CD207: variants seen among roughly 807,000 people sequenced by gnomAD.
The protein encoded by CD207 is CD207 molecule, also known as C-type lectin domain family 4 member K.
Under a neutral mutation model 31.6 loss-of-function variants are expected in CD207, and 28 were observed. The observed-to-expected ratio is 0.89, with a 90% confidence interval of 0.66 to 1.21. CD207 has a LOEUF of 1.21. Among genes scored for constraint, CD207 ranks in the 50% most tolerant of loss-of-function variants. The probability of loss-of-function intolerance (pLI) is 0.00; values close to 1 mark genes in which losing one functional copy is unlikely to be tolerated. For missense variants in CD207, 388 were observed against 397.8 expected (o/e 0.98, Z 0.21); for synonymous variants, 168 against 153.9 (o/e 1.09, Z -0.68).
At chr2:70,828,826 C>A (rs553200315), downstream of CD207, among the ~76,000 whole-genome samples, 1 of 152,068 alleles carries the variant, frequency 6.6e-6, no homozygotes, top group Non-Finnish European at 1.5e-5. Context: ...CCACCATGCC[C>A]GGCTAATTTT....
At chr2:70,828,138 G>A (rs1677388501), downstream of CD207, among the ~76,000 whole-genome samples, 1 of 152,300 alleles carries the variant, frequency 6.6e-6, no homozygotes, top group Non-Finnish European at 1.5e-5. Flanking sequence ...AAGAAATACT[G>A]TGGGGTCCAT....
chr2:70,826,821 T>A (rs577401898), downstream of CD207, among the ~76,000 whole-genome samples: 8 of 152,320 alleles, frequency 5.3e-5, 1 homozygote, highest in South Asian at 1.7e-3. Context: ...GTGACATAAT[T>A]CTATTGCATG....
In CD207 at chr2:70,830,751, C is replaced by T. The variant is rs1416435211; in HGVS notation, c.*299G>A. 3.8e-6 allele frequency: 1 copy of T among 264,434 alleles called. No homozygotes were observed. The highest frequency in any genetic ancestry group is 7.4e-5 in the East Asian group (1 of 13,584). 16.4% of individuals were successfully genotyped at this position (264,434 alleles called of 1,614,324 possible). On this transcript the variant is annotated 3_prime_UTR_variant, in exon 6 of 6. Coordinates refer to ENST00000410009, the MANE Select transcript of CD207 (RefSeq NM_015717.5). ...GGTTTCTCTGAAAGAGTGGAAAACC[C>T]CAGGGTGTTATGCCGGATTACGGGT...
At chr2:70,828,893 G>C (rs1260605575), downstream of CD207, among the ~76,000 whole-genome samples, 1 of 152,144 alleles carries the variant, frequency 6.6e-6, no homozygotes, top group Non-Finnish European at 1.5e-5. Flanking sequence ...TCGAACTCCT[G>C]ACCTCAGGTG....
intron 2 of CD207, 81 bp from the exon 3 acceptor site, chr2:70,834,101 A>G: frequency 7.6e-7 from 1 of 1,320,514 alleles, no homozygotes; most frequent in South Asian, 2.0e-5. Flanking sequence ...GATCAAAGGA[A>G]GGGAAGGAAT....
chr2:70,835,606 C>T lies in CD207; in HGVS notation c.75G>A (p.Glu25=), dbSNP rs1379977844. The T allele has an allele frequency of 2.5e-6, 4 of 1,613,406 alleles. No individual in the cohort carries two copies. In the African/African-American group the frequency reaches 4.0e-5, roughly 16 times the overall value. ...GAGATGGACCGGACTTGGGAGGAGG[C>T]TCTGTTGGAAGAAGAAGAAAATGTG... ...DKQNISLWPR[E]PPPKSGPSLV... Residue 25 remains glutamate, a splice_region_variant and synonymous_variant, in exon 2 of 6, where the codon GAG becomes GAA. Coordinates refer to ENST00000410009, the MANE Select transcript of CD207 (RefSeq NM_015717.5).
downstream of CD207, among the ~76,000 whole-genome samples, chr2:70,828,189 C>T (rs528184471): frequency 6.6e-6 from 1 of 152,290 alleles, no homozygotes; most frequent in South Asian, 2.1e-4. Context: ...ACCCCAAGAC[C>T]TGCTAGAGAC....
At chr2:70,825,477 G>A (rs1553398782), downstream of CD207, among the ~76,000 whole-genome samples, 1 of 152,154 alleles carries the variant, frequency 6.6e-6, no homozygotes, top group Non-Finnish European at 1.5e-5. Context: ...TGGGTATATA[G>A]AAACTCTCTG....
chr2:70,825,160 A>C, the CD207 span, among the ~76,000 whole-genome samples: 6 of 152,266 alleles, frequency 3.9e-5, no homozygotes, highest in Admixed American at 3.3e-4. Context: ...CATGAGAAAA[A>C]CACCAGACAA....
intron 3 of CD207, among the ~76,000 whole-genome samples, chr2:70,833,293 C>T (rs951843270): frequency 1.8e-4 from 28 of 152,110 alleles, no homozygotes; most frequent in Non-Finnish European, 2.2e-4. Flanking sequence ...AGTGTCTTCC[C>T]CATGATGAGG....
chr2:70,835,175 G>A (rs782789949), intron 2 of CD207, among the ~76,000 whole-genome samples: 11 of 152,240 alleles, frequency 7.2e-5, no homozygotes, highest in African/African-American at 2.7e-4. Flanking sequence ...CAGATTGGTG[G>A]GGGGTGGACG....
downstream of CD207, among the ~76,000 whole-genome samples, chr2:70,827,090 A>C: frequency 1.3e-5 from 2 of 150,406 alleles, no homozygotes; most frequent in East Asian, 2.0e-4. Context: ...GGCCTGTCAC[A>C]CTCCTTCTCT....
chr2:70,833,155 G>A, intron 3 of CD207, 104 bp from the exon 4 acceptor site: 2 of 1,070,810 alleles, frequency 1.9e-6, no homozygotes, highest in Non-Finnish European at 1.4e-6. Flanking sequence ...AGCAAATGGA[G>A]CTGTGCGCTG....
At chr2:70,827,085 G>A (rs1677362724), downstream of CD207, among the ~76,000 whole-genome samples, 1 of 152,072 alleles carries the variant, frequency 6.6e-6, no homozygotes, top group Non-Finnish European at 1.5e-5. Context: ...CCTCAGGCCT[G>A]TCACACTCCT....
downstream of CD207, among the ~76,000 whole-genome samples, chr2:70,827,895 A>AT (rs1406103423): frequency 2.0e-5 from 3 of 151,806 alleles, no homozygotes; most frequent in African/African-American, 7.3e-5. Flanking sequence ...TGATTCAAGT[A>AT]TTTTTTTCTC....
chr2:70,834,127 A>T, intron 2 of CD207, 107 bp from the exon 3 acceptor site: 1 of 1,106,118 alleles, frequency 9.0e-7, no homozygotes, highest in Non-Finnish European at 1.2e-6. Flanking sequence ...GAAGCTTCCC[A>T]AAGAACCAAG....
At chr2:70,825,835 T>TA (rs1166334675), downstream of CD207, among the ~76,000 whole-genome samples, 3 of 152,060 alleles carry the variant, frequency 2.0e-5, no homozygotes, top group African/African-American at 4.8e-5. Flanking sequence ...GAGCCCAGCC[T>TA]AAAAAGGTAT....
chr2:70,824,622 C>CAAA, the CD207 span, among the ~76,000 whole-genome samples: 148 of 38,772 alleles, frequency 3.8e-3, 3 homozygotes, highest in South Asian at 0.013. Context: ...GCTTAGTTAC[C>CAAA]AAAAAAAAAA....
chr2:70,833,590 A>G, intron 3 of CD207, 56 bp downstream of exon 3: 1 of 1,508,156 alleles, frequency 6.6e-7, no homozygotes, highest in Non-Finnish European at 8.9e-7. Flanking sequence ...GGTCTGGGAC[A>G]GGTAAGATCC....
Sources: allele counts gnomAD v4.1 joint callset (sites outside exome capture counted in the v4.1 genomes callset), GRCh38; gene constraint gnomAD v4.1.1; transcripts MANE v1.5; gene names NCBI Gene and HGNC (gene_info 2026-07-23, HGNC 2026-07-21).